The following COP1 variants were observed in gnomAD, a reference collection of about 807,000 sequenced individuals.
COP1 encodes COP1 E3 ubiquitin ligase, also known as E3 ubiquitin-protein ligase COP1.
A neutral mutation model predicts 101.3 loss-of-function variants in COP1; 24 were observed. That is an observed-to-expected ratio of 0.24 (90% CI 0.17 to 0.33). The LOEUF (loss-of-function observed/expected upper bound fraction) is 0.33. Among genes scored for constraint, COP1 ranks in the 10% least tolerant of loss-of-function variants. The pLI is 1.00. For synonymous variants in COP1, 347 were observed against 341.9 expected, an observed-to-expected ratio of 1.01 and a Z score of -0.17; for missense variants, 663 against 906.2, an observed-to-expected ratio of 0.73 and a Z score of 3.45.
intron 18 of COP1, among the ~76,000 whole-genome samples, chr1:175,958,822 A>G (rs1650990345): frequency 6.6e-6 from 1 of 152,028 alleles, no homozygotes; most frequent in Non-Finnish European, 1.5e-5. Flanking sequence ...TTAAATTCAT[A>G]AATCGACAGT....
At chr1:176,176,997 G>A (rs1697045416) in intron 2 of COP1, among the ~76,000 whole-genome samples, 1 of 151,986 alleles carries the variant, frequency 6.6e-6, no homozygotes, top group Non-Finnish European at 1.5e-5. Flanking sequence ...TTTATCCTAA[G>A]GAAATATATA....
intron 11 of COP1, among the ~76,000 whole-genome samples, chr1:176,061,171 A>G (rs1251040435): frequency 6.6e-6 from 1 of 152,228 alleles, no homozygotes; most frequent in East Asian, 1.9e-4. Context: ...CAGTCAATTC[A>G]TTTTAAACAA....
At chr1:176,103,890 A>G (rs982857650) in intron 9 of COP1, among the ~76,000 whole-genome samples, 38 of 152,296 alleles carry the variant, frequency 2.5e-4, no homozygotes, top group African/African-American at 8.7e-4. Flanking sequence ...TTCCAATAAA[A>G]AATACCAAGA....
chr1:176,009,161 T>C (rs1037118806), intron 15 of COP1, among the ~76,000 whole-genome samples: 1 of 152,186 alleles, frequency 6.6e-6, no homozygotes, highest in Non-Finnish European at 1.5e-5. Context: ...AGATCTTTGT[T>C]TTCAATTTTT....
chr1:175,949,614 C>G (rs1293848704), intron 18 of COP1, among the ~76,000 whole-genome samples: 1 of 152,194 alleles, frequency 6.6e-6, no homozygotes, highest in East Asian at 1.9e-4. Flanking sequence ...CACTGATCAA[C>G]CTAGTTGCCA....
At chr1:176,041,941 A>C (rs1330860790) in intron 14 of COP1, among the ~76,000 whole-genome samples, 7 of 152,064 alleles carry the variant, frequency 4.6e-5, no homozygotes, top group East Asian at 1.9e-4. Flanking sequence ...GTAAAACCCT[A>C]TCTCTACTAA....
intron 1 of COP1, among the ~76,000 whole-genome samples, chr1:176,186,567 C>T (rs1450845110): frequency 6.6e-6 from 1 of 152,018 alleles, no homozygotes; most frequent in Non-Finnish European, 1.5e-5. Flanking sequence ...AAAAGGGCAC[C>T]TCAAAGAACT....
chr1:176,055,337 A>G (rs1268257521), intron 11 of COP1, among the ~76,000 whole-genome samples: 3 of 152,222 alleles, frequency 2.0e-5, no homozygotes, highest in Non-Finnish European at 1.5e-5. Flanking sequence ...CAGGAGGCTG[A>G]GGCAGGAGAA....
At chr1:176,174,670 T>C (rs1483697255) in intron 3 of COP1, among the ~76,000 whole-genome samples, 3 of 152,216 alleles carry the variant, frequency 2.0e-5, no homozygotes, top group Non-Finnish European at 4.4e-5. Context: ...ATTCATAATT[T>C]ATTTTAAACA....
At chr1:176,204,085 T>C (rs1019940541) in intron 1 of COP1, among the ~76,000 whole-genome samples, 5 of 152,200 alleles carry the variant, frequency 3.3e-5, no homozygotes, top group African/African-American at 1.2e-4. Flanking sequence ...TAAATACATG[T>C]ACTCGAACTT....
At chr1:176,078,766 T>C (rs2481649) in intron 11 of COP1, among the ~76,000 whole-genome samples, 142,812 of 151,998 alleles carry the variant, frequency 0.94, 67,534 homozygotes, top group East Asian at 1. Flanking sequence ...GCCTAATCTC[T>C]AAAATCTACA....
chr1:176,163,065 T>C (rs1694577556), intron 4 of COP1, 77 bp from the exon 5 acceptor site: 10 of 1,396,032 alleles, frequency 7.2e-6, no homozygotes, highest in Non-Finnish European at 9.7e-6. Flanking sequence ...GTTTACTTGC[T>C]ACTTCCTAAT....
At chr1:175,945,209 T>C (rs1176040279) in intron 19 of COP1, 39 bp from the exon 20 acceptor site, 5 of 1,444,856 alleles carry the variant, frequency 3.5e-6, no homozygotes, top group Non-Finnish European at 3.8e-6. Context: ...AATAAAATCA[T>C]TTAAGATATA....
rs557455312 is a variant in COP1 at position 175,954,575 on chromosome 1, T to C, written c.2134-7336A>G. On this transcript the variant is annotated intron_variant, in intron 18 of 19. Transcript: ENST00000367669. ...TTATGGGATATCACTAGATATTCTATAGATATTAAAAGAATAATTAGAAAA... is the reference window on the plus strand; with the variant it reads ...TTATGGGATATCACTAGATATTCTACAGATATTAAAAGAATAATTAGAAAA... Among the ~76,000 whole-genome samples, 65 of 152,198 alleles carry C rather than the reference T, an allele frequency of 4.3e-4. 1 individual carries two copies. The highest frequency in any genetic ancestry group is 8.3e-4 in the South Asian group (4 of 4,826).
At chr1:176,171,288 G>A (rs772537134) in intron 3 of COP1, among the ~76,000 whole-genome samples, 7 of 152,024 alleles carry the variant, frequency 4.6e-5, no homozygotes, top group Non-Finnish European at 8.8e-5. Context: ...CTATGTTATG[G>A]AGATGGCTGT....
chr1:176,068,070 C>T (rs1369661557), intron 11 of COP1, among the ~76,000 whole-genome samples: 3 of 152,148 alleles, frequency 2.0e-5, no homozygotes, highest in African/African-American at 4.8e-5. Flanking sequence ...TATGCATGTG[C>T]GGGTACAGGA....
chr1:176,029,734 T>G (rs570058739), intron 14 of COP1, among the ~76,000 whole-genome samples: 31 of 152,328 alleles, frequency 2.0e-4, no homozygotes, highest in African/African-American at 7.5e-4. Flanking sequence ...GAAATACTGA[T>G]ACAGTAACCT....
chr1:176,182,674 A>G (rs2102014072), intron 2 of COP1, among the ~76,000 whole-genome samples: 1 of 152,352 alleles, frequency 6.6e-6, no homozygotes, highest in East Asian at 1.9e-4. Context: ...TTCCTATGGA[A>G]TGCTAAGATG....
intron 10 of COP1, among the ~76,000 whole-genome samples, chr1:176,083,959 A>G (rs1679650199): frequency 6.6e-6 from 1 of 152,206 alleles, no homozygotes; most frequent in South Asian, 2.1e-4. Flanking sequence ...GTTTTAATTT[A>G]TTATTCTACT....
Sources: gnomAD v4.1 joint callset for allele counts (sites outside exome capture counted in the v4.1 genomes callset) on GRCh38, gnomAD v4.1.1 for gene constraint, MANE v1.5 for transcripts, NCBI Gene and HGNC (gene_info 2026-07-23, HGNC 2026-07-21) for gene names.